The following SHC2 variants were observed in gnomAD, a reference collection of about 807,000 sequenced individuals.
The protein encoded by SHC2 is SHC adaptor protein 2, also known as SHC-transforming protein 2.
Under a neutral mutation model 60.6 loss-of-function variants are expected in SHC2, and 62 were observed. That is an observed-to-expected ratio of 1.02 (90% CI 0.83 to 1.26). The LOEUF is 1.26. SHC2 is among the 50% of genes most tolerant of loss of function. The pLI is 0.00. For synonymous variants in SHC2, 375 were observed against 372.4 expected (o/e 1.01, Z -0.08); for missense variants, 873 against 822.2 (o/e 1.06, Z -0.76).
At position 434,798 on chromosome 19, in the gene SHC2, T is replaced by C. The variant is rs771272374; in HGVS notation, c.1021A>G (p.Ser341Gly). 5.0e-6 allele frequency: 8 copies of C among 1,612,784 alleles called. No individual in the cohort carries two copies. In the East Asian group the frequency reaches 1.8e-4, roughly 36 times the overall value. The change falls in exon 8 of 13, where the codon AGC becomes GGC. Residue 341 changes from serine to glycine, a missense_variant. Coordinates refer to ENST00000264554, the MANE Select transcript of SHC2 (RefSeq NM_012435.3). ...EDSLEHNYYN[S>G]IPGKEPPLGG... is the part of the protein sequence containing the mutation. ...AGCGGCGGCTCCTTCCCCGGGATGC[T>C]GTTGTAGTAATTGTGCTCCAAAGAG...
At position 440,073 on chromosome 19, in the gene SHC2, C is replaced by T. The variant is rs973950238; in HGVS notation, c.539+789G>A. Among the ~76,000 whole-genome samples, 2 of 151,142 alleles carry T rather than the reference C, an allele frequency of 1.3e-5. No individual in the cohort carries two copies. Among genetic ancestry groups the T allele is most frequent in the South Asian group, 2.1e-4 (1 of 4,738 alleles). On this transcript the variant is annotated intron_variant, in intron 2 of 12. Coordinates refer to ENST00000264554, the MANE Select transcript of SHC2 (RefSeq NM_012435.3). The surrounding 1 kb of genome is among the most constrained non-coding windows in gnomAD (Gnocchi z 7.0). ...CAAGGCTCTGACCCAGGCCACAGCG[C>T]GGACACACCTCGGGAACGCCATGCT...
At chr19:429,603 A>C (rs1375914700) in intron 9 of SHC2, among the ~76,000 whole-genome samples, 5 of 143,662 alleles carry the variant, frequency 3.5e-5, no homozygotes. Flanking sequence ...CCCAACATGC[A>C]GAGAAACCTA....
chr19:422,435 T>C lies in SHC2; in HGVS notation c.1331A>G (p.Lys444Arg), dbSNP rs960532374. 1 of 1,570,896 alleles carries C rather than the reference T, an allele frequency of 6.4e-7. No homozygotes were observed. The change falls in exon 11 of 13, where the codon AAG becomes AGG. Residue 444 changes from lysine to arginine, a missense_variant. Transcript: ENST00000264554. This position sits in a 1 kb window ranked among gnomAD's most constrained non-coding sequence, Gnocchi z 5.0. The part of the protein sequence containing the change: ...FDMRPFEDAL[K>R]LHECSVAAGV... ...TGCCGCCACTGAGCACTCATGCAAC[T>C]TCAGGGCATCCTCAAAGGGTCCTGC...
chr19:456,426 C>T (rs906671399), intron 1 of SHC2, among the ~76,000 whole-genome samples: 1 of 152,150 alleles, frequency 6.6e-6, no homozygotes, highest in Non-Finnish European at 1.5e-5. Context: ...CCTAGGTCCC[C>T]TGGCCTGGGC....
chr19:441,080 C>A lies in SHC2; in HGVS notation c.469-148G>T. 1 of 1,492,036 alleles carries A rather than the reference C, an allele frequency of 6.7e-7. No individual in the cohort carries two copies. Among genetic ancestry groups the A allele is most frequent in the Non-Finnish European group, 8.9e-7 (1 of 1,118,210 alleles). The allele number at this position is 1,492,036 out of a possible 1,614,324, so 92.4% of individuals were successfully genotyped here. A position where few individuals can be genotyped will look rare whatever the true frequency, so the allele number is the denominator to read the frequency against. On this transcript the variant is annotated intron_variant, in intron 1 of 12. Transcript: ENST00000264554. This position sits in a 1 kb window ranked among gnomAD's most constrained non-coding sequence, Gnocchi z 4.9. Reference sequence around the variant, plus strand: ...GTGGCTCTGGGGCCGTCGTGCCTCCCCCACCTCAAGGCCCAGCCTTGACAC... The same window carrying A: ...GTGGCTCTGGGGCCGTCGTGCCTCCACCACCTCAAGGCCCAGCCTTGACAC...
At chr19:458,228 CG>C (rs1975414854) in intron 1 of SHC2, among the ~76,000 whole-genome samples, 1 of 103,930 alleles carries the variant, frequency 9.6e-6, no homozygotes, top group African/African-American at 4.4e-5. Context: ...ACGCGGGTTC[CG>C]GCGGAGGGGG....
rs924401900 is a variant in SHC2, at chr19:438,757, G to A, written c.681C>T (p.Ser227=). The A allele has an allele frequency of 6.4e-7, 1 of 1,573,008 alleles. No individual in the cohort carries two copies. The highest frequency in any genetic ancestry group is 1.9e-5 in the Admixed American group (1 of 53,898). The change falls in exon 4 of 13, where the codon TCC becomes TCT. Residue 227 remains serine, a synonymous_variant. Transcript: ENST00000264554. This position sits in a 1 kb window ranked among gnomAD's most constrained non-coding sequence, Gnocchi z 5.0. ...FAGMSISIHI[S]TDGLSLSVPA... ...GCACGGAGAGGCTGAGGCCATCAGT[G>A]GAGATGTGGATGGAGATGCTCATGC...
At chr19:442,071 G>A (rs1003459850) in intron 1 of SHC2, among the ~76,000 whole-genome samples, 6 of 152,198 alleles carry the variant, frequency 3.9e-5, no homozygotes, top group South Asian at 2.1e-4. Context: ...CTGTGATGAC[G>A]GGCAGGGGCT....
Position 441,247 on chromosome 19 carries a change from G to T in SHC2, c.469-315C>A. 1 of 832,814 alleles carries T rather than the reference G, an allele frequency of 1.2e-6. No homozygotes were observed. Among genetic ancestry groups the T allele is most frequent in the Non-Finnish European group, 1.4e-6 (1 of 694,302 alleles). The allele number at this position is 832,814 out of a possible 1,614,324, so 51.6% of individuals were successfully genotyped here. A position where few individuals can be genotyped will look rare whatever the true frequency, so the allele number is the denominator to read the frequency against. ...TCGTCGGTCTCTTTCTGTTCCACCA[G>T]CACCGAAGCCGAGGAGCGTGGGGAT... On this transcript the variant is annotated intron_variant, in intron 1 of 12. Transcript: ENST00000264554. This position sits in a 1 kb window ranked among gnomAD's most constrained non-coding sequence, Gnocchi z 4.9.
At chr19:430,649 T>C in intron 9 of SHC2, 35 bp downstream of exon 9, 4 of 1,596,036 alleles carry the variant, frequency 2.5e-6, no homozygotes, top group Non-Finnish European at 3.4e-6. Context: ...CCCAGAATCC[T>C]CGTGGGTACC....
chr19:436,336 C>T, intron 6 of SHC2, 44 bp downstream of exon 6: 3 of 1,591,066 alleles, frequency 1.9e-6, no homozygotes, highest in Admixed American at 1.7e-5. Context: ...CACGGCCGTG[C>T]CCCCCAGCCA....
intron 9 of SHC2, among the ~76,000 whole-genome samples, chr19:430,197 A>C (rs976051791): frequency 1.4e-5 from 2 of 142,774 alleles, no homozygotes; most frequent in Non-Finnish European, 3.0e-5. Flanking sequence ...CAACGTGCAC[A>C]GAAACCTAAT....
intron 1 of SHC2, among the ~76,000 whole-genome samples, chr19:458,406 GGAAGCGGGTCCTGGGGAGGCA>G (rs1326466286): frequency 1.5e-5 from 2 of 136,256 alleles, no homozygotes; most frequent in African/African-American, 5.4e-5. Context: ...CCGGGGAGGC[GGAAGCGGGTCCTGGGGAGGCA>G]GAAGCGGGTC....
intron 8 of SHC2, 90 bp from the exon 9 acceptor site, chr19:430,837 A>C: frequency 2.5e-6 from 3 of 1,210,302 alleles, no homozygotes; most frequent in Non-Finnish European, 3.6e-6. Flanking sequence ...GCCCTCTTAG[A>C]TGGCTGGAGA....
At chr19:431,354 G>A (rs1402440655) in intron 8 of SHC2, among the ~76,000 whole-genome samples, 2 of 142,620 alleles carry the variant, frequency 1.4e-5, no homozygotes, top group Non-Finnish European at 3.0e-5. Context: ...GTGAGATCGT[G>A]AGTGAGAGAT....
At position 437,320 on chromosome 19, in the gene SHC2, ATGCTCATCTGCG is replaced by A. The variant is rs1430957146; in HGVS notation, c.721-649_721-638del. 6.7e-5 allele frequency among the ~76,000 whole-genome samples: 10 copies of A among 149,452 alleles called. No homozygotes were observed. The East Asian group carries it at 2.0e-3, about 30-fold the overall frequency. On this transcript the variant is annotated intron_variant, in intron 4 of 12. Transcript: ENST00000264554. ...CGTGCTCGTCTGTGTGCTCATCTGC[ATGCTCATCTGCG>A]TGCTTGTTTGCATGCTCATCTGTGT...
chr19:444,202 A>T (rs1568293885), intron 1 of SHC2, among the ~76,000 whole-genome samples: 1 of 152,110 alleles, frequency 6.6e-6, no homozygotes, highest in Non-Finnish European at 1.5e-5. Context: ...ATGGATGAAC[A>T]GATGAATGGA....
At position 436,239 on chromosome 19, in the gene SHC2, G is replaced by A. The variant is rs537393092; in HGVS notation, c.879C>T (p.Thr293=). 12 of 1,598,940 alleles carry A rather than the reference G, an allele frequency of 7.5e-6. No individual in the cohort carries two copies. Among genetic ancestry groups the A allele is most frequent in the East Asian group, 6.8e-5 (3 of 44,216 alleles). ...AGCGCAGCTCGAAAGCTTGGCCCAC[G>A]GTGCTGATGATGCTCTGTGCCAGGC... is the stretch of plus-strand genomic sequence containing the variant. ...CEGLAQSIIS[T]VGQAFELRFK... The change falls in exon 7 of 13, where the codon ACC becomes ACT. Residue 293 remains threonine (T), a synonymous_variant. Transcript: ENST00000264554.
chr19:426,171 G>A (rs1278829661), intron 9 of SHC2, among the ~76,000 whole-genome samples: 1 of 152,214 alleles, frequency 6.6e-6, no homozygotes, highest in Non-Finnish European at 1.5e-5. Flanking sequence ...CTTGGAACAG[G>A]GTCTGGCTGT....
Sources: allele counts gnomAD v4.1 joint callset (sites outside exome capture counted in the v4.1 genomes callset), GRCh38; gene constraint gnomAD v4.1.1; non-coding constraint Gnocchi (gnomAD v3.1); transcripts MANE v1.5; gene names NCBI Gene and HGNC (gene_info 2026-07-23, HGNC 2026-07-21).